CLCN3: variants seen among roughly 807,000 people sequenced by gnomAD.
The protein encoded by CLCN3 is H(+)/Cl(-) exchange transporter 3.
Under a neutral mutation model 83.4 loss-of-function variants are expected in CLCN3, and 16 were observed. The observed-to-expected ratio is 0.19, with a 90% CI of 0.13 to 0.29. CLCN3 has a LOEUF of 0.29. Ranked by LOEUF, CLCN3 falls within the 10% of genes least tolerant of loss-of-function variation. The probability of loss-of-function intolerance (pLI) is 1.00; values close to 1 mark genes in which losing one functional copy is unlikely to be tolerated. For synonymous variants in CLCN3, 322 were observed against 346.2 expected (o/e 0.93, Z 0.78); for missense variants, 544 against 1,006.0 (o/e 0.54, Z 6.21).
chr4:169,663,608 G>A (rs1731143857), intron 2 of CLCN3: 2 of 426,820 alleles, frequency 4.7e-6, no homozygotes, highest in East Asian at 9.4e-5. Flanking sequence ...CCAAGTAGCT[G>A]AGATTACAGG....
chr4:169,671,773 C>G (rs1731467010), intron 2 of CLCN3, among the ~76,000 whole-genome samples: 1 of 151,978 alleles, frequency 6.6e-6, no homozygotes, highest in Non-Finnish European at 1.5e-5. Flanking sequence ...GTGGAGGGGT[C>G]AAGAAAATAG....
rs182557079 is a variant in CLCN3 at position 169,719,094 on chromosome 4, G to A, written c.2367-813G>A. On this transcript the variant is annotated intron_variant, in intron 12 of 12. Transcript: ENST00000513761. ...ATTTTATATGCATTTTATCTTAATA[G>A]TATGTGCTTTCATGAAGATTCTGAT... Among the ~76,000 whole-genome samples, 185 of 152,312 alleles carry A rather than the reference G, an allele frequency of 1.2e-3. 1 individual carries two copies. The highest frequency in any genetic ancestry group is 6.9e-3 in the Admixed American group (106 of 15,296).
At chr4:169,700,939 GAT>G (rs533691448) in intron 9 of CLCN3, among the ~76,000 whole-genome samples, 104 of 152,306 alleles carry the variant, frequency 6.8e-4, no homozygotes, top group Admixed American at 6.5e-3. Context: ...GTCTTGCCTT[GAT>G]ATTGGTGGTT....
At chr4:169,693,589 C>T (rs756976022) in intron 7 of CLCN3, among the ~76,000 whole-genome samples, 8 of 152,110 alleles carry the variant, frequency 5.3e-5, no homozygotes, top group Non-Finnish European at 7.4e-5. Flanking sequence ...ACATTACTGC[C>T]CTTACGACTA....
intron 2 of CLCN3, among the ~76,000 whole-genome samples, chr4:169,671,024 T>C (rs1314141453): frequency 6.6e-6 from 1 of 152,218 alleles, no homozygotes; most frequent in East Asian, 1.9e-4. Context: ...TCAACCATTG[T>C]GGAAGACAGT....
intron 3 of CLCN3, among the ~76,000 whole-genome samples, chr4:169,681,249 T>C (rs1731926144): frequency 2.6e-5 from 4 of 152,172 alleles, no homozygotes; most frequent in African/African-American, 9.7e-5. Context: ...AGTTTCGCCA[T>C]GTTGGCGAGG....
chr4:169,695,805 T>A lies in CLCN3; in HGVS notation c.1017+113T>A, dbSNP rs1732539472. On this transcript the variant is annotated intron_variant, in intron 8 of 12. Coordinates refer to ENST00000513761, the MANE Select transcript of CLCN3 (RefSeq NM_001829.4). Reference sequence around the variant, plus strand: ...TAGGTAGAGACTTTGTTTTCAAATTTATTTTTCTAAAGTTGTTTTCCACTC... The same window carrying A: ...TAGGTAGAGACTTTGTTTTCAAATTAATTTTTCTAAAGTTGTTTTCCACTC... 20 of 652,422 alleles carry A rather than the reference T, an allele frequency of 3.1e-5. No homozygotes were observed. The East Asian group carries it at 6.1e-4, about 20-fold the overall frequency. 40.4% of individuals were successfully genotyped at this position (652,422 alleles called of 1,614,324 possible).
intron 2 of CLCN3, among the ~76,000 whole-genome samples, chr4:169,659,617 A>G (rs969997186): frequency 6.6e-6 from 1 of 152,186 alleles, no homozygotes; most frequent in East Asian, 1.9e-4. Context: ...AAGAAAGGAA[A>G]CAAGAAGCCG....
intron 6 of CLCN3, 73 bp from the exon 7 acceptor site, chr4:169,692,038 CAAG>C: frequency 9.9e-7 from 1 of 1,005,688 alleles, no homozygotes; most frequent in South Asian, 1.6e-5. Flanking sequence ...GTGCATAAAA[CAAG>C]AAAATAACTT....
chr4:169,630,510 A>G (rs969849696), intron 1 of CLCN3, among the ~76,000 whole-genome samples: 8 of 151,680 alleles, frequency 5.3e-5, no homozygotes, highest in African/African-American at 1.9e-4. Context: ...TATGTACCAT[A>G]TTTTCTTTTC....
chr4:169,648,021 C>T (rs6857404), intron 2 of CLCN3, among the ~76,000 whole-genome samples: 100,316 of 152,034 alleles, frequency 0.66, 34,026 homozygotes, highest in East Asian at 0.94. Context: ...AACTGATGAG[C>T]TTAGACTGAA....
chr4:169,629,986 A>G (rs1007723310), intron 1 of CLCN3, among the ~76,000 whole-genome samples: 3 of 152,196 alleles, frequency 2.0e-5, no homozygotes, highest in Non-Finnish European at 4.4e-5. Flanking sequence ...AGGTTGTCAT[A>G]TATTTAATAT....
At position 169,620,926 on chromosome 4, in the gene CLCN3, A is replaced by G. The variant is rs1348649184; in HGVS notation, c.-154A>G. On this transcript the variant is annotated 5_prime_UTR_variant, in exon 1 of 13. Transcript: ENST00000513761. Reference sequence around the variant, plus strand: ...GTAGAAAACGTCAGGTATCTTTTAAATCGCGATAGTTTTCGCTGTGTCAGG... The same window carrying G: ...GTAGAAAACGTCAGGTATCTTTTAAGTCGCGATAGTTTTCGCTGTGTCAGG... 3 of 398,330 alleles carry G rather than the reference A, an allele frequency of 7.5e-6. No homozygotes were observed. Among genetic ancestry groups the G allele is most frequent in the South Asian group, 1.3e-4 (1 of 7,836 alleles). 24.7% of individuals were successfully genotyped at this position (398,330 alleles called of 1,614,324 possible).
chr4:169,644,102 C>T (rs1474555196), intron 2 of CLCN3, among the ~76,000 whole-genome samples: 1 of 152,060 alleles, frequency 6.6e-6, no homozygotes, highest in Non-Finnish European at 1.5e-5. Flanking sequence ...GTGTTCTGTT[C>T]GTTCTTTCTA....
intron 2 of CLCN3, among the ~76,000 whole-genome samples, chr4:169,638,992 T>C (rs1296799144): frequency 6.6e-6 from 1 of 152,156 alleles, no homozygotes; most frequent in Non-Finnish European, 1.5e-5. Context: ...TTAGCAAGTA[T>C]AAAGTTGGAA....
chr4:169,644,940 A>G (rs1159802047), intron 2 of CLCN3, among the ~76,000 whole-genome samples: 2 of 152,204 alleles, frequency 1.3e-5, no homozygotes, highest in South Asian at 2.1e-4. Context: ...TTTGGAAGCT[A>G]GAAAAGGCGA....
At chr4:169,678,149 G>A (rs1731754435) in intron 2 of CLCN3, among the ~76,000 whole-genome samples, 1 of 152,154 alleles carries the variant, frequency 6.6e-6, no homozygotes, top group African/African-American at 2.4e-5. Context: ...GAATTCATTT[G>A]CATTTTACCA....
intron 2 of CLCN3, among the ~76,000 whole-genome samples, chr4:169,671,313 T>A (rs945341080): frequency 2.0e-5 from 3 of 152,312 alleles, no homozygotes; most frequent in African/African-American, 7.2e-5. Flanking sequence ...TGGATGAAGC[T>A]GGAAGCCATC....
chr4:169,681,654 G>A (rs1230285588), intron 3 of CLCN3, among the ~76,000 whole-genome samples: 5 of 152,006 alleles, frequency 3.3e-5, no homozygotes, highest in African/African-American at 7.3e-5. Flanking sequence ...CTTTGTTTAC[G>A]TGGTTTTTAT....
Sources: allele counts gnomAD v4.1 joint callset (sites outside exome capture counted in the v4.1 genomes callset), GRCh38; gene constraint gnomAD v4.1.1; transcripts MANE v1.5; gene names NCBI Gene and HGNC (gene_info 2026-07-23, HGNC 2026-07-21).